The following NRG1 variants were observed in gnomAD, a reference collection of about 807,000 sequenced individuals.
The protein encoded by NRG1 is pro-neuregulin-1, membrane-bound isoform.
Under a neutral mutation model 63.8 loss-of-function variants are expected in NRG1, and 18 were observed. That is an observed-to-expected ratio of 0.28 (90% confidence interval 0.19 to 0.42). The LOEUF (loss-of-function observed/expected upper bound fraction) is 0.42, where lower values mean the gene tolerates loss of function less well. Among genes scored for constraint, NRG1 ranks in the 10% least tolerant of loss-of-function variants. The pLI is 1.00. For synonymous variants in NRG1, 302 were observed against 301.3 expected (o/e 1.00, Z -0.02); for missense variants, 762 against 814.7 (o/e 0.94, Z 0.79).
chr8:32,612,469 A>G (rs138253831), intron 3 of NRG1, among the ~76,000 whole-genome samples: 2 of 152,186 alleles, frequency 1.3e-5, no homozygotes, highest in African/African-American at 2.4e-5. Flanking sequence ...ATTTGAAACC[A>G]TAATCATTAA....
chr8:32,312,653 G>A (rs1370774101), intron 1 of NRG1, among the ~76,000 whole-genome samples: 7 of 152,102 alleles, frequency 4.6e-5, no homozygotes, highest in South Asian at 2.1e-4. Context: ...GTCTTGCTCC[G>A]TTAGGACTGC....
At chr8:32,535,559 A>G (rs1448750976) in intron 1 of NRG1, among the ~76,000 whole-genome samples, 1 of 152,174 alleles carries the variant, frequency 6.6e-6, no homozygotes, top group Non-Finnish European at 1.5e-5. Flanking sequence ...ACCCATGGAC[A>G]AGGCTCATAA....
At chr8:31,801,808 T>C (rs1821820436) in intron 1 of NRG1, among the ~76,000 whole-genome samples, 1 of 152,250 alleles carries the variant, frequency 6.6e-6, no homozygotes, top group Non-Finnish European at 1.5e-5. Flanking sequence ...AAAGTTCTTA[T>C]AAAAGTCCTG....
chr8:32,505,353 G>A lies in NRG1; in HGVS notation c.38-90475G>A, dbSNP rs979450067. Among the ~76,000 whole-genome samples the A allele has an allele frequency of 1.4e-4, 21 of 152,212 alleles. 1 individual carries two copies. The highest frequency in any genetic ancestry group is 4.2e-4 in the South Asian group (2 of 4,816). On this transcript the variant is annotated intron_variant, in intron 1 of 10. Coordinates refer to the NRG1 transcript ENST00000519301. ...TTGATCCTCCCATAGGTAGCAATACGATGTTTATTTAGGGTGAGAGCTCTC... is the reference window on the plus strand; with the variant it reads ...TTGATCCTCCCATAGGTAGCAATACAATGTTTATTTAGGGTGAGAGCTCTC...
At chr8:32,249,302 G>T (rs1261094811) in intron 1 of NRG1, among the ~76,000 whole-genome samples, 1 of 152,070 alleles carries the variant, frequency 6.6e-6, no homozygotes, top group Admixed American at 6.6e-5. Context: ...ACAATGAGTG[G>T]TGACTTCCTT....
chr8:32,337,890 A>C (rs1038187398), intron 1 of NRG1, among the ~76,000 whole-genome samples: 1 of 152,082 alleles, frequency 6.6e-6, no homozygotes, highest in Admixed American at 6.6e-5. Context: ...GATTGAAATG[A>C]CTTATGTGGG....
At chr8:31,891,709 T>G (rs938492767) in intron 1 of NRG1, among the ~76,000 whole-genome samples, 7 of 152,184 alleles carry the variant, frequency 4.6e-5, no homozygotes, top group Non-Finnish European at 4.4e-5. Context: ...CACAGCAACT[T>G]TATTTGTAAT....
chr8:32,611,600 C>A (rs977600428), intron 3 of NRG1, among the ~76,000 whole-genome samples: 1 of 151,986 alleles, frequency 6.6e-6, no homozygotes, highest in Non-Finnish European at 1.5e-5. Context: ...TCTCAGTTGC[C>A]TTAGAGTAAG....
At chr8:31,829,719 G>A (rs543922772) in intron 1 of NRG1, among the ~76,000 whole-genome samples, 71 of 152,296 alleles carry the variant, frequency 4.7e-4, no homozygotes, top group African/African-American at 1.5e-3. Context: ...AGGTTGAGTG[G>A]CTCTATGTGG....
intron 1 of NRG1, among the ~76,000 whole-genome samples, chr8:32,551,444 T>C (rs1430955617): frequency 6.6e-6 from 1 of 152,112 alleles, no homozygotes; most frequent in Non-Finnish European, 1.5e-5. Flanking sequence ...GGAGAGATAA[T>C]GGGGTGGGAT....
downstream of NRG1, among the ~76,000 whole-genome samples, chr8:32,772,879 G>A (rs970094179): frequency 1.8e-4 from 28 of 152,142 alleles, no homozygotes; most frequent in African/African-American, 6.3e-4. Context: ...CTGTAACCAG[G>A]TACCTTCCAA....
At chr8:32,413,531 G>T (rs1815415243) in intron 1 of NRG1, among the ~76,000 whole-genome samples, 2 of 152,218 alleles carry the variant, frequency 1.3e-5, no homozygotes, top group Admixed American at 6.5e-5. Flanking sequence ...GCCGGGCGCA[G>T]TGGCTCACGC....
chr8:31,911,640 T>G (rs1832953225), intron 1 of NRG1, among the ~76,000 whole-genome samples: 2 of 152,170 alleles, frequency 1.3e-5, no homozygotes, highest in Non-Finnish European at 1.5e-5. Context: ...CTTAATACAT[T>G]GGGTGACAAA....
chr8:31,944,503 G>T (rs1563599065), intron 1 of NRG1, among the ~76,000 whole-genome samples: 1 of 152,260 alleles, frequency 6.6e-6, no homozygotes, highest in East Asian at 1.9e-4. Flanking sequence ...TAGTGCTGCA[G>T]GTAGAACAAA....
At chr8:32,178,603 C>T (rs1841061185) in intron 1 of NRG1, among the ~76,000 whole-genome samples, 1 of 152,072 alleles carries the variant, frequency 6.6e-6, no homozygotes, top group African/African-American at 2.4e-5. Flanking sequence ...GAGTGAGACT[C>T]TGTCTCAAAA....
chr8:32,648,942 C>T (rs1036680913), intron 5 of NRG1, among the ~76,000 whole-genome samples: 6 of 152,240 alleles, frequency 3.9e-5, no homozygotes, highest in Middle Eastern at 6.8e-3. Flanking sequence ...AAGACATTTA[C>T]GGTGCTAGCC....
At chr8:32,718,586 C>G (rs528905665) in intron 5 of NRG1, among the ~76,000 whole-genome samples, 1 of 152,276 alleles carries the variant, frequency 6.6e-6, no homozygotes, top group East Asian at 1.9e-4. Flanking sequence ...AATGGCTTCT[C>G]TGGTATGGTT....
intron 1 of NRG1, among the ~76,000 whole-genome samples, chr8:32,468,722 G>GC (rs1270302102): frequency 3.5e-5 from 5 of 143,838 alleles, no homozygotes; most frequent in African/African-American, 1.3e-4. Flanking sequence ...TAACATTACA[G>GC]TTTTTTTTTT....
chr8:31,937,648 A>G (rs1245591715), intron 1 of NRG1, among the ~76,000 whole-genome samples: 1 of 152,120 alleles, frequency 6.6e-6, no homozygotes, highest in East Asian at 1.9e-4. Flanking sequence ...TGCTGCCTGG[A>G]AATAGACTCA....
Sources: allele counts gnomAD v4.1 joint callset (sites outside exome capture counted in the v4.1 genomes callset), GRCh38; gene constraint gnomAD v4.1.1; transcripts MANE v1.5; gene names NCBI Gene and HGNC (gene_info 2026-07-23, HGNC 2026-07-21).